The following SMCHD1 variants were observed in gnomAD, a reference collection of about 807,000 sequenced individuals.
The protein encoded by SMCHD1 is structural maintenance of chromosomes flexible hinge domain containing 1, also known as structural maintenance of chromosomes flexible hinge domain-containing protein 1.
In SMCHD1, 78 loss-of-function variants were observed where a neutral mutation model predicts 254.7. The observed-to-expected ratio is 0.31, with a 90% CI of 0.26 to 0.37. The LOEUF (loss-of-function observed/expected upper bound fraction) is 0.37. Ranked by LOEUF, SMCHD1 falls within the 10% of genes least tolerant of loss-of-function variation. SMCHD1 has a pLI of 1.00. For missense variants in SMCHD1, 1,840 were observed against 2,408.1 expected (o/e 0.76, Z 4.94); for synonymous variants, 766 against 794.9 (o/e 0.96, Z 0.61).
At chr18:2,667,177 C>A in intron 3 of SMCHD1, 146 bp downstream of exon 3, 1 of 666,538 alleles carries the variant, frequency 1.5e-6, no homozygotes, top group Non-Finnish European at 2.5e-6. Flanking sequence ...AAATTCATCA[C>A]GGTATTATTA....
intron 24 of SMCHD1, among the ~76,000 whole-genome samples, chr18:2,729,903 A>G (rs1166533760): frequency 6.6e-6 from 1 of 151,996 alleles, no homozygotes; most frequent in Non-Finnish European, 1.5e-5. Flanking sequence ...TTTGAAAAAG[A>G]GGGTCTTGCT....
intron 44 of SMCHD1, chr18:2,779,072 T>G (rs991730557): frequency 1.3e-5 from 2 of 152,182 alleles, no homozygotes; most frequent in African/African-American, 4.8e-5. Flanking sequence ...AGTAAATAAA[T>G]AAAAGATTAT....
intron 45 of SMCHD1, among the ~76,000 whole-genome samples, chr18:2,791,302 C>T (rs986955776): frequency 3.2e-4 from 49 of 152,084 alleles, no homozygotes; most frequent in African/African-American, 1.2e-3. Flanking sequence ...AGAAAAAAAC[C>T]ACTGAGGCCA....
chr18:2,733,835 A>G (rs902324776), intron 25 of SMCHD1, among the ~76,000 whole-genome samples: 3 of 152,216 alleles, frequency 2.0e-5, no homozygotes, highest in African/African-American at 7.2e-5. Flanking sequence ...CCAAGTGTGG[A>G]AAAATAATTT....
intron 34 of SMCHD1, among the ~76,000 whole-genome samples, chr18:2,755,502 C>T (rs1226471644): frequency 6.7e-6 from 1 of 148,446 alleles, no homozygotes; most frequent in African/African-American, 2.5e-5. Context: ...AGAAAAATGT[C>T]TAGGATTTAT....
chr18:2,780,870 G>A (rs991402107), intron 44 of SMCHD1, among the ~76,000 whole-genome samples: 2 of 152,204 alleles, frequency 1.3e-5, no homozygotes, highest in African/African-American at 4.8e-5. Context: ...ATACAGTGAT[G>A]AATTAGACAA....
At position 2,791,395 on chromosome 18, in the gene SMCHD1, G is replaced by C. The variant is rs138249959; in HGVS notation, c.5720-4554G>C. ...GCTTGAGACCAGCCTGGGCAATACA[G>C]TGACACCTAATCTCTACAGAAAATA... On this transcript the variant is annotated intron_variant, in intron 45 of 47. Coordinates refer to ENST00000320876, the MANE Select transcript of SMCHD1 (RefSeq NM_015295.3). Among the ~76,000 whole-genome samples the C allele has an allele frequency of 2.0e-4, 30 of 152,272 alleles. No individual in the cohort carries two copies. In the East Asian group the frequency reaches 5.8e-3, roughly 29 times the overall value.
chr18:2,742,909 A>G (rs1331142711), intron 28 of SMCHD1, among the ~76,000 whole-genome samples: 2 of 152,134 alleles, frequency 1.3e-5, no homozygotes, highest in Non-Finnish European at 2.9e-5. Flanking sequence ...ACTGGGCTCA[A>G]GGGATCCTTC....
intron 45 of SMCHD1, among the ~76,000 whole-genome samples, chr18:2,794,597 A>C (rs1468410594): frequency 6.6e-6 from 1 of 152,196 alleles, no homozygotes; most frequent in African/African-American, 2.4e-5. Context: ...ACTATTTAAT[A>C]CTTAGTGTCT....
At chr18:2,757,839 A>G (rs1343253597) in intron 34 of SMCHD1, among the ~76,000 whole-genome samples, 1 of 152,130 alleles carries the variant, frequency 6.6e-6, no homozygotes. Context: ...GAACAAATAC[A>G]TATTTTGAGG....
intron 41 of SMCHD1, among the ~76,000 whole-genome samples, chr18:2,773,171 C>G (rs1454212866): frequency 1.3e-5 from 2 of 152,040 alleles, no homozygotes; most frequent in East Asian, 3.8e-4. Flanking sequence ...CGTTATTACC[C>G]AAACCTCAGA....
chr18:2,760,941 T>G (rs987891266), intron 35 of SMCHD1, among the ~76,000 whole-genome samples: 1 of 152,220 alleles, frequency 6.6e-6, no homozygotes, highest in African/African-American at 2.4e-5. Flanking sequence ...ATGTTTAAAT[T>G]TGTTCAATAA....
intron 40 of SMCHD1, among the ~76,000 whole-genome samples, chr18:2,771,981 G>GTTACACATAT (rs1303526678): frequency 1.1e-4 from 17 of 152,262 alleles, no homozygotes; most frequent in South Asian, 8.3e-4. Context: ...AGTTTCAAGA[G>GTTACACATAT]AAGTCCTATT....
intron 47 of SMCHD1, among the ~76,000 whole-genome samples, chr18:2,800,345 C>A (rs1425625299): frequency 6.6e-6 from 1 of 152,106 alleles, no homozygotes; most frequent in Admixed American, 6.5e-5. Context: ...GATGCCACTA[C>A]AAAGTTAGAT....
In SMCHD1 at chr18:2,697,902, G is replaced by A. The variant is rs370222371; in HGVS notation, c.1203G>A (p.Thr401=). 87 of 1,613,372 alleles carry A rather than the reference G, an allele frequency of 5.4e-5. No homozygotes were observed. The highest frequency in any genetic ancestry group is 6.9e-5 in the Non-Finnish European group (81 of 1,179,552). The part of the protein sequence containing the change: ...NLREIQDDMQ[T]LYVNTAADSF... ...GGGAAATACAAGACGACATGCAGAC[G>A]TTGTATGTAAACACAGCAGCTGATA... is the stretch of plus-strand genomic sequence containing the variant. Residue 401 remains threonine, a synonymous_variant, in exon 10 of 48, where the codon ACG becomes ACA. Transcript: ENST00000320876.
intron 45 of SMCHD1, among the ~76,000 whole-genome samples, chr18:2,791,342 C>G (rs1251045692): frequency 6.6e-6 from 1 of 152,202 alleles, no homozygotes; most frequent in Non-Finnish European, 1.5e-5. Flanking sequence ...ATAATCCCAG[C>G]ACTTTGGGAG....
Position 2,708,907 on chromosome 18 carries a change from T to TATATATATATATATATATATATATAAA in SMCHD1, c.2260+988_2260+989insTATATATATATATATATATATATAAAA, listed in dbSNP as rs769432583. On this transcript the variant is annotated intron_variant, in intron 17 of 47. Coordinates refer to ENST00000320876, the MANE Select transcript of SMCHD1 (RefSeq NM_015295.3). ...ATATATATATATATATATATATATA[T>TATATATATATATATATATATATATAAA]AACATATTAACATGAAATTTATGAA... Among the ~76,000 whole-genome samples the TATATATATATATATATATATATATAAA allele has an allele frequency of 1.1e-4, 5 of 44,704 alleles. 1 individual carries two copies. Among genetic ancestry groups the TATATATATATATATATATATATATAAA allele is most frequent in the Admixed American group, 3.0e-4 (1 of 3,386 alleles). 29.3% of individuals were successfully genotyped at this position (44,704 alleles called of 152,430 possible).
chr18:2,660,471 G>GTTT (rs1324906009), intron 1 of SMCHD1, among the ~76,000 whole-genome samples: 15 of 135,338 alleles, frequency 1.1e-4, no homozygotes, highest in Non-Finnish European at 1.8e-4. Context: ...AAAAATCCAT[G>GTTT]GTTTTTTTTT....
chr18:2,732,327 A>C lies in SMCHD1; in HGVS notation c.3111A>C (p.Ala1037=). ...TIKLLPSSHV[A]RLQIFSVEGQ... is the part of the protein sequence containing the mutation. ...AGTTGCTTCCCAGTAGCCATGTTGCAAGACTACAAATATTCAGTGTAGAAG... is the reference window on the plus strand; with the variant it reads ...AGTTGCTTCCCAGTAGCCATGTTGCCAGACTACAAATATTCAGTGTAGAAG... The change falls in exon 25 of 48, where the codon GCA becomes GCC. Residue 1037 remains alanine, a synonymous_variant. Coordinates refer to ENST00000320876, the MANE Select transcript of SMCHD1 (RefSeq NM_015295.3). 1 of 1,613,892 alleles carries C rather than the reference A, an allele frequency of 6.2e-7. No individual in the cohort carries two copies. Among genetic ancestry groups the C allele is most frequent in the Non-Finnish European group, 8.5e-7 (1 of 1,179,828 alleles).
Sources: allele counts gnomAD v4.1 joint callset (sites outside exome capture counted in the v4.1 genomes callset), GRCh38; gene constraint gnomAD v4.1.1; transcripts MANE v1.5; gene names NCBI Gene and HGNC (gene_info 2026-07-23, HGNC 2026-07-21).